The following SLC35G1 variants were observed in gnomAD, a reference collection of about 807,000 sequenced individuals.
The protein encoded by SLC35G1 is solute carrier family 35 member G1, also known as partner of STIM1.
SLC35G1 carries 10 observed loss-of-function variants against 17.1 expected under a neutral mutation model. The observed-to-expected ratio is 0.59, with a 90% confidence interval of 0.36 to 0.99. SLC35G1 has a LOEUF of 0.99. SLC35G1 is among the 50% of genes least tolerant of loss of function. The pLI, the probability that SLC35G1 is intolerant of heterozygous loss-of-function variation, is 0.01. For synonymous variants in SLC35G1, 185 were observed against 181.1 expected (o/e 1.02, Z -0.18); for missense variants, 433 against 468.4 (o/e 0.92, Z 0.70).
chr10:93,895,300 G>T lies in SLC35G1; in HGVS notation c.178+1089G>T, dbSNP rs144715196. ...TTCTGTCCTAAAGGCAAACCGAAAT[G>T]ATCAGACTTGTGATCATTTATAAAT... On this transcript the variant is annotated intron_variant, in intron 1 of 2. Coordinates refer to ENST00000427197, the MANE Select transcript of SLC35G1 (RefSeq NM_001134658.3). 1.0e-3 allele frequency among the ~76,000 whole-genome samples: 154 copies of T among 152,326 alleles called. 3 individuals are homozygous for T. The highest frequency in any genetic ancestry group is 3.3e-3 in the African/African-American group (138 of 41,572).
Position 93,894,005 on chromosome 10 carries a change from C to G in SLC35G1, c.-29C>G, listed in dbSNP as rs963524812. On this transcript the variant is annotated 5_prime_UTR_variant, in exon 1 of 3. Coordinates refer to ENST00000427197, the MANE Select transcript of SLC35G1 (RefSeq NM_001134658.3). Reference sequence around the variant, plus strand: ...GCGCTGCTGCTGGCGCCAGACGGCACCGGCCGCTGGTAGAGCGCGTGCCGC... The same window carrying G: ...GCGCTGCTGCTGGCGCCAGACGGCAGCGGCCGCTGGTAGAGCGCGTGCCGC... 29 of 1,357,496 alleles carry G rather than the reference C, an allele frequency of 2.1e-5. No homozygotes were observed. The highest frequency in any genetic ancestry group is 3.8e-5 in the Admixed American group (1 of 26,402). 84.1% of individuals were successfully genotyped at this position (1,357,496 alleles called of 1,614,324 possible).
chr10:93,894,258 G>T, intron 1 of SLC35G1, 47 bp downstream of exon 1: 1 of 1,299,570 alleles, frequency 7.7e-7, no homozygotes, highest in South Asian at 2.2e-5. Context: ...CGGGGGTCCC[G>T]AGCGGGCGCC....
intron 2 of SLC35G1, among the ~76,000 whole-genome samples, chr10:93,900,510 T>A (rs1163528365): frequency 6.6e-6 from 1 of 152,192 alleles, no homozygotes; most frequent in African/African-American, 2.4e-5. Flanking sequence ...ATAATTTTAC[T>A]ATGCATGTAA....
chr10:93,901,183 T>A lies in SLC35G1; in HGVS notation c.791T>A (p.Val264Asp). The A allele has an allele frequency of 6.2e-7, 1 of 1,614,130 alleles. No individual in the cohort carries two copies. The highest frequency in any genetic ancestry group is 8.5e-7 in the Non-Finnish European group (1 of 1,179,960). ...TGGTATTATGTAGTACTTGGCCTCG[T>A]TGAAAGTGTCATCATCCTCTCTGTA... is the stretch of plus-strand genomic sequence containing the variant. ...SIWYYVVLGL[V>D]ESVIILSVLG... is the part of the protein sequence containing the mutation. The change falls in exon 3 of 3, where the codon GTT becomes GAT. Residue 264 changes from valine to aspartate, a missense_variant. Physicochemically the swap from Val to Asp is radical, Grantham distance 152. Transcript: ENST00000427197.
intron 2 of SLC35G1, 144 bp from the exon 3 acceptor site, chr10:93,900,608 A>G: frequency 1.4e-6 from 1 of 711,646 alleles, no homozygotes; most frequent in Admixed American, 3.5e-5. Flanking sequence ...AGTATATAAT[A>G]TTCATTTGTG....
intron 1 of SLC35G1, 44 bp downstream of exon 1, chr10:93,894,255 C>T: frequency 7.7e-7 from 1 of 1,299,112 alleles, no homozygotes. Context: ...GCTCGGGGGT[C>T]CCGAGCGGGC....
Position 93,901,609 on chromosome 10 carries a change from TA to T in SLC35G1, c.*122del. ...CATTGGTTGTATTTAATAAATTGCC[TA>T]AAGTACCATTTTTGAATATAGTATG... On this transcript the variant is annotated 3_prime_UTR_variant, in exon 3 of 3. Coordinates refer to ENST00000427197, the MANE Select transcript of SLC35G1 (RefSeq NM_001134658.3). The T allele has an allele frequency of 8.5e-7, 1 of 1,175,014 alleles. No individual in the cohort carries two copies. The highest frequency in any genetic ancestry group is 1.1e-6 in the Non-Finnish European group (1 of 880,024). 72.8% of individuals were successfully genotyped at this position (1,175,014 alleles called of 1,614,324 possible). A position where few individuals can be genotyped will look rare whatever the true frequency, so the allele number is the denominator to read the frequency against.
chr10:93,900,681 T>G (rs1386734817), intron 2 of SLC35G1, 71 bp from the exon 3 acceptor site: 6 of 1,268,104 alleles, frequency 4.7e-6, no homozygotes, highest in Non-Finnish European at 6.4e-6. Context: ...AAATAATGTT[T>G]AATTACAAAT....
In SLC35G1 at chr10:93,898,736, G is replaced by A. The variant is rs1177080453; in HGVS notation, c.344G>A (p.Cys115Tyr). ...TTCCAAATGCTAGTTGTTATCCCTT[G>A]CTTAATATACAGAAAGTAAGTATTT... is the stretch of plus-strand genomic sequence containing the variant. ...CVFQMLVVIP[C>Y]LIYRKTGFIG... Residue 115 changes from cysteine to tyrosine, a missense_variant, in exon 2 of 3, where the codon TGC becomes TAC. Transcript: ENST00000427197. The A allele has an allele frequency of 6.2e-7, 1 of 1,602,440 alleles. No homozygotes were observed. Among genetic ancestry groups the A allele is most frequent in the Non-Finnish European group, 8.5e-7 (1 of 1,176,870 alleles).
At chr10:93,898,532 C>T (rs766130745) in intron 1 of SLC35G1, 39 bp from the exon 2 acceptor site, 27 of 1,572,584 alleles carry the variant, frequency 1.7e-5, no homozygotes, top group East Asian at 2.2e-5. Flanking sequence ...AACACATACA[C>T]TTGGAAGCAA....
chr10:93,899,053 G>C (rs529243297), intron 2 of SLC35G1, among the ~76,000 whole-genome samples: 2 of 152,096 alleles, frequency 1.3e-5, no homozygotes, highest in Non-Finnish European at 2.9e-5. Context: ...CTTTCCTTTG[G>C]CATAACTACT....
chr10:93,901,892 C>A lies in SLC35G1; in HGVS notation c.*402C>A. The A allele has an allele frequency of 6.3e-6, 1 of 157,918 alleles. No homozygotes were observed. The highest frequency in any genetic ancestry group is 1.4e-5 in the Non-Finnish European group (1 of 71,872). 9.8% of individuals were successfully genotyped at this position (157,918 alleles called of 1,614,324 possible). ...AGTGTAGAGCCTAAGAAACTTGGTT[C>A]TACTACCATGATCTTTATAAACTAT... is the stretch of plus-strand genomic sequence containing the variant. On this transcript the variant is annotated 3_prime_UTR_variant, in exon 3 of 3. Transcript: ENST00000427197.
In SLC35G1 at chr10:93,902,429, G is replaced by C. The variant is rs916357387; in HGVS notation, c.*939G>C. On this transcript the variant is annotated 3_prime_UTR_variant, in exon 3 of 3. Coordinates refer to ENST00000427197, the MANE Select transcript of SLC35G1 (RefSeq NM_001134658.3). ...TGTGATGCCAAATAAAATTTTCTCA[G>C]GATCTTATTAGGTTGAACCATATGT... 6.6e-6 allele frequency: 1 copy of C among 152,272 alleles called. No homozygotes were observed. Among genetic ancestry groups the C allele is most frequent in the Non-Finnish European group, 1.5e-5 (1 of 67,980 alleles). 9.4% of individuals were successfully genotyped at this position (152,272 alleles called of 1,614,324 possible). A position where few individuals can be genotyped will look rare whatever the true frequency, so the allele number is the denominator to read the frequency against.
At position 93,901,256 on chromosome 10, in the gene SLC35G1, C is replaced by G. The variant is rs201136283; in HGVS notation, c.864C>G (p.Leu288=). The change falls in exon 3 of 3, where the codon CTC becomes CTG. Residue 288 remains leucine (L), a synonymous_variant. Coordinates refer to ENST00000427197, the MANE Select transcript of SLC35G1 (RefSeq NM_001134658.3). ...ACTGTGGGTTGGACAGGCTATTTCTCATATTCATTGGGCTCTTTGGTTTGG... is the reference window on the plus strand; with the variant it reads ...ACTGTGGGTTGGACAGGCTATTTCTGATATTCATTGGGCTCTTTGGTTTGG... ...LPYCGLDRLF[L]IFIGLFGLGG... 258 of 1,613,840 alleles carry G rather than the reference C, an allele frequency of 1.6e-4. 2 individuals are homozygous for G. In the Middle Eastern group the frequency reaches 4.0e-3, roughly 25 times the overall value.
chr10:93,894,010 C>A lies in SLC35G1; in HGVS notation c.-24C>A, dbSNP rs556867957. The A allele has an allele frequency of 8.8e-6, 12 of 1,369,286 alleles. No individual in the cohort carries two copies. The highest frequency in any genetic ancestry group is 7.6e-5 in the African/African-American group (5 of 65,690). The allele number at this position is 1,369,286 out of a possible 1,614,324, so 84.8% of individuals were successfully genotyped here. A position where few individuals can be genotyped will look rare whatever the true frequency, so the allele number is the denominator to read the frequency against. On this transcript the variant is annotated 5_prime_UTR_variant, in exon 1 of 3. Transcript: ENST00000427197. The stretch of plus-strand genomic sequence containing the variant: ...GCTGCTGGCGCCAGACGGCACCGGC[C>A]GCTGGTAGAGCGCGTGCCGCGAGAT...
chr10:93,900,638 T>G, intron 2 of SLC35G1, 114 bp from the exon 3 acceptor site: 2 of 801,212 alleles, frequency 2.5e-6, no homozygotes, highest in Non-Finnish European at 3.7e-6. Context: ...ATTAATTTAC[T>G]ATTCCCTCAT....
rs930943993 is a variant in SLC35G1, at chr10:93,901,706, TTTTTG to T, written c.*219_*223del. The T allele has an allele frequency of 6.6e-6, 3 of 451,854 alleles. No homozygotes were observed. The highest frequency in any genetic ancestry group is 4.8e-5 in the Admixed American group (1 of 20,808). The allele number at this position is 451,854 out of a possible 1,614,324, so 28.0% of individuals were successfully genotyped here. A position where few individuals can be genotyped will look rare whatever the true frequency, so the allele number is the denominator to read the frequency against. On this transcript the variant is annotated 3_prime_UTR_variant, in exon 3 of 3. Transcript: ENST00000427197. ...GTAGCTTTGGTTTTGGTTTTGGTTT[TTTTTG>T]TTGTTGTTGTTGGGGTCAAGTTGGT...
downstream of SLC35G1, among the ~76,000 whole-genome samples, chr10:93,905,899 A>G (rs545361941): frequency 5.9e-5 from 9 of 152,276 alleles, no homozygotes; most frequent in East Asian, 1.7e-3. Flanking sequence ...GTTCAGGTGA[A>G]TGGTGCAGCA....
Position 93,901,051 on chromosome 10 carries a change from G to A in SLC35G1, c.659G>A (p.Gly220Asp), listed in dbSNP as rs978154793. The change falls in exon 3 of 3, where the codon GGC becomes GAC. Residue 220 changes from glycine (G) to aspartate (D), a missense_variant. Coordinates refer to ENST00000427197, the MANE Select transcript of SLC35G1 (RefSeq NM_001134658.3). ...TCGGGGATGGAAGAAAGCTATTCAG[G>A]CCACCTTAAGGGAACATTCGCAGCA... ...DTSGMEESYS[G>D]HLKGTFAAIG... 2.5e-6 allele frequency: 4 copies of A among 1,614,064 alleles called. No individual in the cohort carries two copies. The highest frequency in any genetic ancestry group is 1.7e-5 in the Admixed American group (1 of 60,008).
Sources: gnomAD v4.1 joint callset for allele counts (sites outside exome capture counted in the v4.1 genomes callset) on GRCh38, gnomAD v4.1.1 for gene constraint, MANE v1.5 for transcripts, NCBI Gene and HGNC (gene_info 2026-07-23, HGNC 2026-07-21) for gene names.